Variants in SCRG1 observed in about 807,000 individuals in gnomAD.
SCRG1 encodes stimulator of chondrogenesis 1.
In SCRG1, 3 loss-of-function variants were observed where a neutral mutation model predicts 7.7. That is an observed-to-expected ratio of 0.39 (90% CI 0.18 to 1.01). SCRG1 has a LOEUF of 1.01. SCRG1 is among the 50% of genes least tolerant of loss of function. SCRG1 has a pLI of 0.36. For missense variants in SCRG1, 110 were observed against 117.2 expected (o/e 0.94, Z 0.28); for synonymous variants, 46 against 41.2 (o/e 1.12, Z -0.44).
chr4:173,445,886 G>A, the SCRG1 span, among the ~76,000 whole-genome samples: 39 of 151,746 alleles, frequency 2.6e-4, 1 homozygote, highest in South Asian at 7.1e-3. Context: ...GGCTGGTCTC[G>A]AACTCCTGAC....
the SCRG1 span, among the ~76,000 whole-genome samples, chr4:173,462,610 C>T: frequency 1.3e-5 from 2 of 152,060 alleles, no homozygotes; most frequent in Admixed American, 1.3e-4. Flanking sequence ...TAAATAATCA[C>T]CTGAAGGTAC....
At chr4:173,458,243 T>TA in the SCRG1 span, among the ~76,000 whole-genome samples, 7 of 152,200 alleles carry the variant, frequency 4.6e-5, no homozygotes, top group Non-Finnish European at 8.8e-5. Context: ...TTTAAGAGCA[T>TA]AAAAATTAGC....
the SCRG1 span, among the ~76,000 whole-genome samples, chr4:173,483,561 G>T: frequency 6.8e-3 from 167 of 24,520 alleles, 55 homozygotes; most frequent in African/African-American, 0.019. Context: ...ATTATATATT[G>T]TATTGTGATA....
chr4:173,459,930 G>A, the SCRG1 span, among the ~76,000 whole-genome samples: 1 of 152,058 alleles, frequency 6.6e-6, no homozygotes, highest in Non-Finnish European at 1.5e-5. Context: ...TGTGTGAGGA[G>A]ACTGATATGC....
the SCRG1 span, among the ~76,000 whole-genome samples, chr4:173,493,562 G>A: frequency 6.0e-5 from 9 of 150,424 alleles, no homozygotes; most frequent in Non-Finnish European, 1.0e-4. Flanking sequence ...AGGTTTCAGT[G>A]AGCCAAGATC....
At chr4:173,515,298 G>A in the SCRG1 span, among the ~76,000 whole-genome samples, 15 of 152,144 alleles carry the variant, frequency 9.9e-5, no homozygotes, top group South Asian at 2.1e-4. This position sits in a 1 kb window ranked among gnomAD's most constrained non-coding sequence, Gnocchi z 4.6. Context: ...AGATGTATTC[G>A]CAGTTTGGAG....
upstream of SCRG1, among the ~76,000 whole-genome samples, chr4:173,410,812 A>C (rs1364229093): frequency 6.6e-6 from 1 of 152,244 alleles, no homozygotes; most frequent in Non-Finnish European, 1.5e-5. Context: ...CTGGACTCTA[A>C]GGAACACTTG....
At chr4:173,479,185 C>G in the SCRG1 span, among the ~76,000 whole-genome samples, 1 of 152,176 alleles carries the variant, frequency 6.6e-6, no homozygotes, top group Non-Finnish European at 1.5e-5. Flanking sequence ...AAGAAGGGGA[C>G]TCCTGCACAG....
the SCRG1 span, among the ~76,000 whole-genome samples, chr4:173,444,282 G>A: frequency 1.3e-5 from 2 of 152,122 alleles, no homozygotes; most frequent in Admixed American, 1.3e-4. Flanking sequence ...CCAAGAGCTT[G>A]CTTTTTTTAG....
the SCRG1 span, among the ~76,000 whole-genome samples, chr4:173,489,659 T>A: frequency 6.6e-6 from 1 of 152,300 alleles, no homozygotes; most frequent in African/African-American, 2.4e-5. Context: ...AAGAAGACAT[T>A]CTACCTCTTC....
upstream of SCRG1, among the ~76,000 whole-genome samples, chr4:173,411,342 C>G (rs1740028773): frequency 6.6e-6 from 1 of 152,226 alleles, no homozygotes; most frequent in Non-Finnish European, 1.5e-5. Context: ...ACAGTGATGA[C>G]TTGGAACTAC....
At chr4:173,390,471 C>T (rs1331869209) in intron 2 of SCRG1, among the ~76,000 whole-genome samples, 9 of 136,250 alleles carry the variant, frequency 6.6e-5, no homozygotes, top group South Asian at 2.4e-4. Flanking sequence ...TGTTGTTGTT[C>T]GTTTTTTTTT....
At chr4:173,413,967 G>A in the SCRG1 span, among the ~76,000 whole-genome samples, 1 of 152,144 alleles carries the variant, frequency 6.6e-6, no homozygotes, top group South Asian at 2.1e-4. Context: ...TGGTCTCCCA[G>A]GTACCTTGAT....
chr4:173,448,107 A>AAACC, the SCRG1 span, among the ~76,000 whole-genome samples: 2 of 152,252 alleles, frequency 1.3e-5, no homozygotes, highest in African/African-American at 4.8e-5. Flanking sequence ...TCTGTCTCAA[A>AAACC]AACCAACCAA....
At chr4:173,484,370 T>A in the SCRG1 span, among the ~76,000 whole-genome samples, 1 of 45,650 alleles carries the variant, frequency 2.2e-5, no homozygotes, top group Non-Finnish European at 4.0e-5. Flanking sequence ...ATATTATATA[T>A]TATATATTAT....
the SCRG1 span, among the ~76,000 whole-genome samples, chr4:173,519,102 A>T: frequency 2.6e-5 from 4 of 151,540 alleles, no homozygotes; most frequent in Admixed American, 2.6e-4. Context: ...CGGGTCGAAG[A>T]TGCTCAGAGG....
At position 173,386,016 on chromosome 4, in the gene SCRG1, T is replaced by A. The variant is rs1308501564; in HGVS notation, c.*2325A>T. On this transcript the variant is annotated 3_prime_UTR_variant, in exon 3 of 3. Coordinates refer to ENST00000296506, the MANE Select transcript of SCRG1 (RefSeq NM_007281.4). ...GAAAGGCCAATCAAATCACATGCTATCTTGATAAAACAACTAATATTATCC... is the reference window on the plus strand; with the variant it reads ...GAAAGGCCAATCAAATCACATGCTAACTTGATAAAACAACTAATATTATCC... The A allele has an allele frequency of 1.3e-5, 2 of 152,248 alleles. No homozygotes were observed. The highest frequency in any genetic ancestry group is 2.9e-5 in the Non-Finnish European group (2 of 68,048). The allele number at this position is 152,248 out of a possible 1,614,324, so 9.4% of individuals were successfully genotyped here.
chr4:173,453,960 C>A, the SCRG1 span, among the ~76,000 whole-genome samples: 1 of 152,076 alleles, frequency 6.6e-6, no homozygotes, highest in Non-Finnish European at 1.5e-5. Context: ...TGCTTGTAGT[C>A]CCAGCTACTC....
chr4:173,518,450 C>T, the SCRG1 span, among the ~76,000 whole-genome samples: 1 of 152,202 alleles, frequency 6.6e-6, no homozygotes, highest in African/African-American at 2.4e-5. Flanking sequence ...GTTTCCAACA[C>T]ACTGTTCAGG....
Sources: gnomAD v4.1 joint callset for allele counts (sites outside exome capture counted in the v4.1 genomes callset) on GRCh38, gnomAD v4.1.1 for gene constraint, Gnocchi (gnomAD v3.1) non-coding constraint, MANE v1.5 for transcripts, NCBI Gene and HGNC (gene_info 2026-07-23, HGNC 2026-07-21) for gene names.